GRIP1: variants seen among roughly 807,000 people sequenced by gnomAD.
The protein encoded by GRIP1 is glutamate receptor-interacting protein 1.
Under a neutral mutation model 129.9 loss-of-function variants are expected in GRIP1, and 45 were observed. The observed-to-expected ratio is 0.35, with a 90% CI of 0.27 to 0.44. GRIP1 has a LOEUF of 0.44. Among genes scored for constraint, GRIP1 ranks in the 20% least tolerant of loss-of-function variants. The pLI, the probability that GRIP1 is intolerant of heterozygous loss-of-function variation, is 1.00. For synonymous variants in GRIP1, 530 were observed against 520.8 expected (o/e 1.02, Z -0.24); for missense variants, 1,196 against 1,396.8 (o/e 0.86, Z 2.29).
intron 15 of GRIP1, among the ~76,000 whole-genome samples, chr12:66,415,550 C>A (rs1011355717): frequency 6.6e-6 from 1 of 152,054 alleles, no homozygotes; most frequent in Non-Finnish European, 1.5e-5. Context: ...TACCATTTGA[C>A]CCAGCAATCC....
At chr12:66,833,351 C>A (rs770910740) in intron 1 of GRIP1, among the ~76,000 whole-genome samples, 1 of 152,166 alleles carries the variant, frequency 6.6e-6, no homozygotes, top group Non-Finnish European at 1.5e-5. Context: ...ATATTTTTAG[C>A]CACTCTTCCC....
At chr12:66,702,975 T>C (rs971670349) in intron 1 of GRIP1, among the ~76,000 whole-genome samples, 7 of 152,202 alleles carry the variant, frequency 4.6e-5, no homozygotes, top group Non-Finnish European at 5.9e-5. Context: ...ACCGTACTGA[T>C]GACAGACTGA....
chr12:66,531,272 TA>T (rs2061452357), intron 4 of GRIP1, among the ~76,000 whole-genome samples: 1 of 11,262 alleles, frequency 8.9e-5, no homozygotes, highest in Admixed American at 9.2e-4. Context: ...TATATATATA[TA>T]TATATATATA....
chr12:67,067,320 T>C (rs2043646734), intron 1 of GRIP1, among the ~76,000 whole-genome samples: 2 of 152,166 alleles, frequency 1.3e-5, no homozygotes, highest in South Asian at 4.1e-4. Flanking sequence ...TTCAGCATTC[T>C]GATAAAACTT....
upstream of GRIP1, among the ~76,000 whole-genome samples, chr12:66,808,929 C>T (rs1326846982): frequency 1.3e-5 from 2 of 152,168 alleles, no homozygotes; most frequent in African/African-American, 4.8e-5. Context: ...GAAATTCCAG[C>T]ACCCCTATAT....
chr12:67,011,209 T>G (rs2042701916), intron 1 of GRIP1, among the ~76,000 whole-genome samples: 1 of 152,086 alleles, frequency 6.6e-6, no homozygotes, highest in Admixed American at 6.6e-5. Flanking sequence ...TCCCATCTCA[T>G]AAACGACATC....
At chr12:66,635,415 C>A (rs1417272350) in intron 1 of GRIP1, among the ~76,000 whole-genome samples, 17 of 150,560 alleles carry the variant, frequency 1.1e-4, no homozygotes, top group African/African-American at 4.2e-4. Context: ...CAGAGTGAGA[C>A]CCTGTCTCTA....
At chr12:66,799,350 T>C (rs1029697221) in intron 1 of GRIP1, among the ~76,000 whole-genome samples, 1 of 152,166 alleles carries the variant, frequency 6.6e-6, no homozygotes, top group Admixed American at 6.5e-5. Flanking sequence ...TTGCCCTATT[T>C]CTTTATAATT....
At chr12:66,866,420 C>G (rs1370359023) in intron 1 of GRIP1, among the ~76,000 whole-genome samples, 1 of 152,134 alleles carries the variant, frequency 6.6e-6, no homozygotes, top group Non-Finnish European at 1.5e-5. Context: ...CTGCGATGAG[C>G]TATGATCGCA....
At chr12:66,973,683 A>T (rs1339496418) in intron 1 of GRIP1, among the ~76,000 whole-genome samples, 2 of 152,094 alleles carry the variant, frequency 1.3e-5, no homozygotes, top group Non-Finnish European at 2.9e-5. Context: ...AATGCCATCC[A>T]GTAAAAGACC....
At chr12:66,857,765 A>C (rs4537837) in intron 1 of GRIP1, among the ~76,000 whole-genome samples, 2 of 151,962 alleles carry the variant, frequency 1.3e-5, no homozygotes, top group Non-Finnish European at 2.9e-5. Context: ...AAATAGGGAG[A>C]CAAGAATAAG....
chr12:66,771,996 C>A (rs563543662), intron 1 of GRIP1, among the ~76,000 whole-genome samples: 1 of 152,102 alleles, frequency 6.6e-6, no homozygotes, highest in South Asian at 2.1e-4. Context: ...ATAATAAAGG[C>A]GATAACTAAA....
At chr12:66,921,527 C>T (rs2041212852) in intron 1 of GRIP1, among the ~76,000 whole-genome samples, 1 of 152,222 alleles carries the variant, frequency 6.6e-6, no homozygotes, top group African/African-American at 2.4e-5. Flanking sequence ...ATGGATTTCT[C>T]CTAGTACTGC....
chr12:66,912,188 TG>T (rs1318681454), intron 1 of GRIP1, among the ~76,000 whole-genome samples: 1 of 152,170 alleles, frequency 6.6e-6, no homozygotes. Flanking sequence ...ATAATTTCTA[TG>T]TATATATTAC....
intron 1 of GRIP1, among the ~76,000 whole-genome samples, chr12:66,707,633 G>A (rs915006316): frequency 2.0e-5 from 3 of 151,542 alleles, no homozygotes; most frequent in Non-Finnish European, 4.4e-5. Flanking sequence ...TTTTTTGCAA[G>A]TGGGGGAAAA....
At chr12:66,544,421 A>C (rs1390941414) in intron 2 of GRIP1, among the ~76,000 whole-genome samples, 1 of 152,198 alleles carries the variant, frequency 6.6e-6, no homozygotes, top group Non-Finnish European at 1.5e-5. Context: ...AACGTCACAG[A>C]CCACTGTACC....
At chr12:66,715,595 G>A (rs2035864354) in intron 1 of GRIP1, among the ~76,000 whole-genome samples, 1 of 151,846 alleles carries the variant, frequency 6.6e-6, no homozygotes, top group South Asian at 2.1e-4. Context: ...CAAAAGGAGA[G>A]CCTGGCATAA....
chr12:66,621,643 T>G (rs1399196628), intron 1 of GRIP1, among the ~76,000 whole-genome samples: 1 of 152,164 alleles, frequency 6.6e-6, no homozygotes, highest in East Asian at 1.9e-4. Context: ...ATATGTTAAT[T>G]CTATGTTTAA....
intron 1 of GRIP1, among the ~76,000 whole-genome samples, chr12:67,040,664 C>T (rs2043163514): frequency 6.6e-6 from 1 of 152,092 alleles, no homozygotes; most frequent in African/African-American, 2.4e-5. Context: ...CTAAGGTTTC[C>T]TCAGCTGGGG....
Sources: gnomAD v4.1 joint callset for allele counts (sites outside exome capture counted in the v4.1 genomes callset) on GRCh38, gnomAD v4.1.1 for gene constraint, MANE v1.5 for transcripts, NCBI Gene and HGNC (gene_info 2026-07-23, HGNC 2026-07-21) for gene names.